ROBO1: variants seen among roughly 807,000 people sequenced by gnomAD.
ROBO1 encodes roundabout guidance receptor 1, also known as roundabout homolog 1.
In ROBO1, 149 loss-of-function variants were observed where a neutral mutation model predicts 195.9. That is an observed-to-expected ratio of 0.76 (90% CI 0.67 to 0.87). ROBO1 has a LOEUF of 0.87. ROBO1 is among the 40% of genes least tolerant of loss of function. The probability of loss-of-function intolerance (pLI) is 0.00; values close to 1 mark genes in which losing one functional copy is unlikely to be tolerated. For missense variants in ROBO1, 1,933 were observed against 2,068.3 expected (o/e 0.93, Z 1.27); for synonymous variants, 816 against 733.2 (o/e 1.11, Z -1.82).
intron 4 of ROBO1, among the ~76,000 whole-genome samples, chr3:78,815,107 T>C (rs557178098): frequency 6.6e-6 from 1 of 152,084 alleles, no homozygotes; most frequent in Non-Finnish European, 1.5e-5. Context: ...CCTTATCTCT[T>C]TCCTCTCCTT....
intron 2 of ROBO1, among the ~76,000 whole-genome samples, chr3:79,232,131 A>T (rs2082330892): frequency 6.6e-6 from 1 of 151,998 alleles, no homozygotes; most frequent in African/African-American, 2.4e-5. Context: ...TGATGAAATA[A>T]TCTGTACATC....
chr3:79,056,657 T>C (rs1043796331), intron 3 of ROBO1, among the ~76,000 whole-genome samples: 10 of 152,062 alleles, frequency 6.6e-5, no homozygotes, highest in African/African-American at 2.4e-4. Flanking sequence ...GAGATTCCAA[T>C]CTCTGCAGTC....
intron 2 of ROBO1, among the ~76,000 whole-genome samples, chr3:79,277,982 T>C (rs2031189083): frequency 6.6e-6 from 1 of 151,952 alleles, no homozygotes; most frequent in African/African-American, 2.4e-5. Context: ...ATGCAGGATA[T>C]AAAATTAATA....
intron 2 of ROBO1, among the ~76,000 whole-genome samples, chr3:79,422,699 A>G (rs1360712769): frequency 2.0e-5 from 3 of 152,140 alleles, no homozygotes; most frequent in Non-Finnish European, 4.4e-5. Context: ...TGGAATTGCA[A>G]TTTACTTGAG....
At chr3:78,637,009 C>G (rs537996984) in intron 22 of ROBO1, among the ~76,000 whole-genome samples, 1 of 126,954 alleles carries the variant, frequency 7.9e-6, no homozygotes, top group Non-Finnish European at 1.6e-5. Flanking sequence ...GTAGGAAGAA[C>G]TGAAATCATA....
chr3:78,908,648 A>G (rs917872685), intron 4 of ROBO1, among the ~76,000 whole-genome samples: 25 of 151,914 alleles, frequency 1.6e-4, no homozygotes, highest in African/African-American at 6.0e-4. Context: ...CATTCCTTAT[A>G]GCATTAGTTT....
At chr3:78,872,433 C>G (rs1226752326) in intron 4 of ROBO1, among the ~76,000 whole-genome samples, 1 of 152,202 alleles carries the variant, frequency 6.6e-6, no homozygotes, top group East Asian at 1.9e-4. Flanking sequence ...TCAACTTCCC[C>G]TGCTGCAATC....
At chr3:79,260,102 ACAC>A (rs1162507699) in intron 2 of ROBO1, among the ~76,000 whole-genome samples, 7 of 150,856 alleles carry the variant, frequency 4.6e-5, no homozygotes, top group Admixed American at 1.3e-4. Context: ...ACACACACAC[ACAC>A]AAATATATAT....
chr3:79,019,509 C>T lies in ROBO1; in HGVS notation c.173-80582G>A, dbSNP rs185485001. ...CCGCGGCTCCCAGTTCCCTCCCTCT[C>T]CTCCCCGGCCCGATAATACTTAAAG... On this transcript the variant is annotated intron_variant, in intron 3 of 30. Transcript: ENST00000464233. The T allele has an allele frequency of 1.4e-4, 141 of 986,128 alleles. No homozygotes were observed. In the African/African-American group the frequency reaches 2.3e-3, roughly 16 times the overall value. The allele number at this position is 986,128 out of a possible 1,614,324, so 61.1% of individuals were successfully genotyped here. A position where few individuals can be genotyped will look rare whatever the true frequency, so the allele number is the denominator to read the frequency against.
At chr3:78,991,259 T>C (rs775527471) in intron 3 of ROBO1, among the ~76,000 whole-genome samples, 5 of 151,980 alleles carry the variant, frequency 3.3e-5, no homozygotes, top group African/African-American at 1.2e-4. Context: ...ACAAGAGATA[T>C]TAGTACAATT....
intron 4 of ROBO1, among the ~76,000 whole-genome samples, chr3:78,885,938 T>TATATATATATATAC (rs1319841027): frequency 2.8e-5 from 4 of 144,954 alleles, no homozygotes; most frequent in African/African-American, 5.1e-5. Flanking sequence ...TATATATATA[T>TATATATATATATAC]ATACATACAT....
chr3:78,845,294 T>A (rs947525565), intron 4 of ROBO1, among the ~76,000 whole-genome samples: 2 of 151,708 alleles, frequency 1.3e-5, no homozygotes, highest in African/African-American at 4.9e-5. Context: ...ATGAAAAAAG[T>A]GTAGATCTCA....
chr3:79,057,576 C>T (rs180975370), intron 3 of ROBO1, among the ~76,000 whole-genome samples: 1 of 152,080 alleles, frequency 6.6e-6, no homozygotes, highest in South Asian at 2.1e-4. Flanking sequence ...AATTACCTTT[C>T]TTTTTCTCCT....
chr3:78,894,898 G>C (rs1221571446), intron 4 of ROBO1, among the ~76,000 whole-genome samples: 1 of 152,218 alleles, frequency 6.6e-6, no homozygotes, highest in Non-Finnish European at 1.5e-5. Flanking sequence ...TGTAAGCAAA[G>C]AGGCTGGAGC....
chr3:79,143,850 T>C (rs1412342480), intron 2 of ROBO1, among the ~76,000 whole-genome samples: 1 of 151,960 alleles, frequency 6.6e-6, no homozygotes, highest in Non-Finnish European at 1.5e-5. Flanking sequence ...CCCACACACT[T>C]TCCTCCCACT....
chr3:79,019,561 A>C, intron 3 of ROBO1: 1 of 985,068 alleles, frequency 1.0e-6, no homozygotes, highest in Non-Finnish European at 1.2e-6. Context: ...TCCATGCTTC[A>C]CTCTATTCTC....
intron 3 of ROBO1, among the ~76,000 whole-genome samples, chr3:79,028,942 A>C (rs1430712682): frequency 1.3e-5 from 2 of 152,124 alleles, no homozygotes. Flanking sequence ...AAATTAAGAC[A>C]TAAGCGCTTT....
chr3:79,117,645 C>A (rs2080032047), intron 3 of ROBO1, among the ~76,000 whole-genome samples: 1 of 152,154 alleles, frequency 6.6e-6, no homozygotes, highest in Admixed American at 6.6e-5. Context: ...TACTGTAATA[C>A]CCACGTATAT....
chr3:79,183,165 G>A (rs2081377598), intron 2 of ROBO1, among the ~76,000 whole-genome samples: 1 of 151,308 alleles, frequency 6.6e-6, no homozygotes, highest in African/African-American at 2.4e-5. Context: ...ATTCACTAAG[G>A]CACATTTTAT....
Sources: gnomAD v4.1 joint callset for allele counts (sites outside exome capture counted in the v4.1 genomes callset) on GRCh38, gnomAD v4.1.1 for gene constraint, MANE v1.5 for transcripts, NCBI Gene and HGNC (gene_info 2026-07-23, HGNC 2026-07-21) for gene names.